IRAG2: variants seen among roughly 807,000 people sequenced by gnomAD.
IRAG2 encodes the protein lymphoid restricted membrane protein.
Under a neutral mutation model 69.9 loss-of-function variants are expected in IRAG2, and 45 were observed. That is an observed-to-expected ratio of 0.64 (90% CI 0.51 to 0.83). The LOEUF (loss-of-function observed/expected upper bound fraction) is 0.83, where lower values mean the gene tolerates loss of function less well. Ranked by LOEUF, IRAG2 falls within the 40% of genes least tolerant of loss-of-function variation. The pLI is 0.00. For synonymous variants in IRAG2, 193 were observed against 202.4 expected, an observed-to-expected ratio of 0.95 and a Z score of 0.40; for missense variants, 520 against 587.0, an observed-to-expected ratio of 0.89 and a Z score of 1.18.
At chr12:25,088,992 G>A (rs1947841449) in intron 11 of IRAG2, among the ~76,000 whole-genome samples, 1 of 152,084 alleles carries the variant, frequency 6.6e-6, no homozygotes, top group South Asian at 2.1e-4. Context: ...TTTGTGACTT[G>A]TTCAAGCTCA....
chr12:25,097,092 T>C (rs371038758), intron 15 of IRAG2, 48 bp downstream of exon 15: 97 of 1,539,838 alleles, frequency 6.3e-5, no homozygotes, highest in Non-Finnish European at 7.9e-5. Context: ...CAAAAAAGAT[T>C]CACTTTTCCT....
At chr12:25,079,177 A>C (rs1403468273) in intron 6 of IRAG2, 67 bp from the exon 7 acceptor site, 1 of 1,528,562 alleles carries the variant, frequency 6.5e-7, no homozygotes, top group African/African-American at 1.4e-5. Context: ...ATGTTTGCTT[A>C]AAACAACCTC....
At chr12:25,087,844 G>C (rs1400316542) in intron 10 of IRAG2, among the ~76,000 whole-genome samples, 3 of 152,140 alleles carry the variant, frequency 2.0e-5, no homozygotes, top group South Asian at 2.1e-4. Flanking sequence ...GAGCCATCTA[G>C]ATTGCATGTT....
At chr12:25,087,258 C>G (rs10842462) in intron 10 of IRAG2, among the ~76,000 whole-genome samples, 16,921 of 148,392 alleles carry the variant, frequency 0.11, 1,281 homozygotes, top group Admixed American at 0.18. Context: ...ACCTCTGCCT[C>G]CCCAGTTCAA....
chr12:25,023,977 G>T lies in IRAG2; in HGVS notation c.1383+56G>T, dbSNP rs963220631. On this transcript the variant is annotated intron_variant, in intron 8 of 38. Transcript: ENST00000636465. Reference sequence around the variant, plus strand: ...ACAAACATGCAAATCATATCATCGTGGTTTATGGCTGTGGGTTAAATAAAA... The same window carrying T: ...ACAAACATGCAAATCATATCATCGTTGTTTATGGCTGTGGGTTAAATAAAA... The T allele has an allele frequency of 9.3e-6, 9 of 971,844 alleles. No individual in the cohort carries two copies. The African/African-American group carries it at 1.3e-4, about 14-fold the overall frequency. The allele number at this position is 971,844 out of a possible 1,614,324, so 60.2% of individuals were successfully genotyped here.
intron 10 of IRAG2, among the ~76,000 whole-genome samples, chr12:25,086,324 C>T (rs990641386): frequency 8.6e-5 from 13 of 151,934 alleles, no homozygotes; most frequent in African/African-American, 1.9e-4. Flanking sequence ...CTTAACCTAC[C>T]GAATGAATAG....
intron 1 of IRAG2, among the ~76,000 whole-genome samples, chr12:25,054,562 C>A (rs777297273): frequency 6.6e-6 from 1 of 152,168 alleles, no homozygotes; most frequent in Non-Finnish European, 1.5e-5. Flanking sequence ...TTTATCTTCA[C>A]GGCCCAATAG....
intron 16 of IRAG2, among the ~76,000 whole-genome samples, chr12:25,041,271 T>C (rs1042634868): frequency 3.3e-5 from 5 of 152,258 alleles, no homozygotes; most frequent in African/African-American, 4.8e-5. Context: ...TTGCAGTCCA[T>C]GTTTAGGAGT....
At chr12:25,015,260 A>C in exon 4 of IRAG2, 5 of 1,230,992 alleles carry the variant, frequency 4.1e-6, no homozygotes, top group Non-Finnish European at 5.1e-6. Flanking sequence ...CAGATGGAAC[A>C]AGTATGTATG....
intron 2 of IRAG2, among the ~76,000 whole-genome samples, chr12:25,010,327 A>C (rs924826285): frequency 1.5e-4 from 23 of 152,160 alleles, no homozygotes; most frequent in Non-Finnish European, 2.5e-4. Flanking sequence ...AAATACAAAA[A>C]TTAGCTGGGT....
chr12:25,030,270 C>T, intron 9 of IRAG2: 11 of 1,231,642 alleles, frequency 8.9e-6, no homozygotes, highest in Non-Finnish European at 1.1e-5. Flanking sequence ...AAATTCGTCT[C>T]TTTTCAGATG....
At chr12:25,066,791 A>G (rs1946010132) in intron 5 of IRAG2, among the ~76,000 whole-genome samples, 1 of 151,774 alleles carries the variant, frequency 6.6e-6, no homozygotes, top group East Asian at 1.9e-4. Context: ...CTGGGACTAC[A>G]GACGCATGCC....
chr12:25,038,378 C>A (rs993297821), intron 16 of IRAG2, among the ~76,000 whole-genome samples: 7 of 151,916 alleles, frequency 4.6e-5, no homozygotes, highest in African/African-American at 9.7e-5. Context: ...CGCGGTGGCT[C>A]ACGCCTGTAA....
chr12:25,025,280 C>T (rs772281723), intron 8 of IRAG2, among the ~76,000 whole-genome samples: 4 of 152,192 alleles, frequency 2.6e-5, no homozygotes, highest in Non-Finnish European at 5.9e-5. Flanking sequence ...TGAAGCTAAT[C>T]CTTTGATTCA....
intron 2 of IRAG2, among the ~76,000 whole-genome samples, chr12:25,007,083 C>T (rs555768579): frequency 6.6e-6 from 1 of 152,238 alleles, no homozygotes; most frequent in South Asian, 2.1e-4. Context: ...TGTTATAGAA[C>T]ATTTCAAACA....
At chr12:25,068,824 T>A (rs1565553927) in intron 5 of IRAG2, among the ~76,000 whole-genome samples, 1 of 152,114 alleles carries the variant, frequency 6.6e-6, no homozygotes, top group Non-Finnish European at 1.5e-5. Context: ...TTTTAGGAGG[T>A]CTGTCTCAGG....
chr12:25,039,617 A>T (rs1342044361), intron 16 of IRAG2, among the ~76,000 whole-genome samples: 1 of 152,174 alleles, frequency 6.6e-6, no homozygotes, highest in Non-Finnish European at 1.5e-5. Flanking sequence ...TTTTTAGTAG[A>T]GACGGGGTTT....
At chr12:25,065,860 G>A (rs747352367) in intron 4 of IRAG2, among the ~76,000 whole-genome samples, 13 of 152,130 alleles carry the variant, frequency 8.5e-5, no homozygotes, top group Non-Finnish European at 1.8e-4. Flanking sequence ...TGTAGAGATG[G>A]GGGTTTGCCA....
Position 25,008,383 on chromosome 12 carries a change from C to T in IRAG2, c.689-2961C>T, listed in dbSNP as rs1565524650. Among the ~76,000 whole-genome samples, 3 of 152,222 alleles carry T rather than the reference C, an allele frequency of 2.0e-5. No homozygotes were observed. The East Asian group carries it at 5.8e-4, about 29-fold the overall frequency. ...TTAGGAGGCCAAGGTGGAGGCTCTG[C>T]TTGAGCCCAGGAGTTTGAGACTACC... On this transcript the variant is annotated intron_variant, in intron 2 of 38. Coordinates refer to the IRAG2 transcript ENST00000636465.
Sources: allele counts gnomAD v4.1 joint callset (sites outside exome capture counted in the v4.1 genomes callset), GRCh38; gene constraint gnomAD v4.1.1; transcripts MANE v1.5; gene names NCBI Gene and HGNC (gene_info 2026-07-23, HGNC 2026-07-21).